SIPA1L1: variants seen among roughly 807,000 people sequenced by gnomAD.
The protein encoded by SIPA1L1 is signal-induced proliferation-associated 1-like protein 1.
A neutral mutation model predicts 162.7 loss-of-function variants in SIPA1L1; 26 were observed. The ratio of observed to expected loss-of-function variants is 0.16; its 90% CI spans 0.12 to 0.22. SIPA1L1 has a LOEUF of 0.22. Among genes scored for constraint, SIPA1L1 ranks in the 10% least tolerant of loss-of-function variants. SIPA1L1 has a pLI of 1.00. For synonymous variants in SIPA1L1, 829 were observed against 837.4 expected (o/e 0.99, Z 0.17); for missense variants, 1,874 against 2,241.0 (o/e 0.84, Z 3.31).
chr14:71,672,774 G>A, intron 12 of SIPA1L1, 152 bp downstream of exon 12: 1 of 867,762 alleles, frequency 1.2e-6, no homozygotes, highest in East Asian at 2.7e-5. Flanking sequence ...GTCTGACTCA[G>A]GACGAAGCTC....
chr14:71,344,301 T>A (rs1207687778), intron 2 of SIPA1L1, among the ~76,000 whole-genome samples: 1 of 152,226 alleles, frequency 6.6e-6, no homozygotes, highest in African/African-American at 2.4e-5. Context: ...TTCCTCAACC[T>A]CTTTCTTAAT....
At chr14:71,675,191 T>G (rs957540783) in intron 12 of SIPA1L1, among the ~76,000 whole-genome samples, 3 of 151,726 alleles carry the variant, frequency 2.0e-5, no homozygotes, top group African/African-American at 7.3e-5. Context: ...CACCAGGGAG[T>G]GAATGAGCTG....
chr14:71,707,395 A>G (rs956348521), intron 16 of SIPA1L1, among the ~76,000 whole-genome samples: 1 of 152,190 alleles, frequency 6.6e-6, no homozygotes, highest in African/African-American at 2.4e-5. Context: ...AGTGAGTTGT[A>G]GCAGCATTTT....
intron 4 of SIPA1L1, among the ~76,000 whole-genome samples, chr14:71,548,676 C>T (rs983946291): frequency 1.3e-5 from 2 of 151,996 alleles, no homozygotes; most frequent in African/African-American, 2.4e-5. Context: ...GTGATCGGAT[C>T]GCTTGAGGCC....
chr14:71,515,476 G>A (rs1401820127), intron 3 of SIPA1L1, among the ~76,000 whole-genome samples: 1 of 152,114 alleles, frequency 6.6e-6, no homozygotes, highest in African/African-American at 2.4e-5. Context: ...CTATGGAATT[G>A]CTCATTTTGA....
At chr14:71,485,325 T>C (rs1332645079) in intron 2 of SIPA1L1, among the ~76,000 whole-genome samples, 1 of 152,208 alleles carries the variant, frequency 6.6e-6, no homozygotes, top group Non-Finnish European at 1.5e-5. Flanking sequence ...TGTGGCCTCT[T>C]GGGAACTGGG....
At chr14:71,608,893 AAAAAC>A (rs1261677266) in intron 5 of SIPA1L1, among the ~76,000 whole-genome samples, 1 of 152,212 alleles carries the variant, frequency 6.6e-6, no homozygotes, top group Non-Finnish European at 1.5e-5. Flanking sequence ...CTCTGTCTCA[AAAAAC>A]AAAACAAAAC....
chr14:71,494,403 T>C (rs542049024), intron 2 of SIPA1L1, among the ~76,000 whole-genome samples: 14 of 152,248 alleles, frequency 9.2e-5, no homozygotes, highest in African/African-American at 3.1e-4. Context: ...TTTATTAATA[T>C]GTTGTATTAA....
chr14:71,683,210 G>T (rs561438055), intron 12 of SIPA1L1, among the ~76,000 whole-genome samples: 8 of 152,308 alleles, frequency 5.3e-5, no homozygotes, highest in African/African-American at 1.9e-4. Context: ...CTAGGGAATT[G>T]GAGGTGGAAG....
intron 22 of SIPA1L1, among the ~76,000 whole-genome samples, chr14:71,737,178 G>T (rs1042292149): frequency 6.6e-6 from 1 of 152,196 alleles, no homozygotes; most frequent in Non-Finnish European, 1.5e-5. Context: ...ACCACGGTGG[G>T]TTTTGCCTCC....
intron 12 of SIPA1L1, among the ~76,000 whole-genome samples, chr14:71,674,566 T>G (rs1044462471): frequency 1.6e-3 from 233 of 149,936 alleles, no homozygotes; most frequent in African/African-American, 5.4e-3. Flanking sequence ...TTTTGTTTTT[T>G]TTTGTTTTTT....
intron 4 of SIPA1L1, among the ~76,000 whole-genome samples, chr14:71,566,957 C>G (rs918448079): frequency 1.7e-4 from 26 of 152,114 alleles, no homozygotes; most frequent in African/African-American, 6.0e-4. Flanking sequence ...TAAAGGAATT[C>G]TACCTTATCA....
chr14:71,379,113 C>T (rs1432010543), intron 2 of SIPA1L1, among the ~76,000 whole-genome samples: 1 of 152,106 alleles, frequency 6.6e-6, no homozygotes, highest in Non-Finnish European at 1.5e-5. Context: ...TCGTTTTCAG[C>T]TTTCTCCAGT....
chr14:71,542,510 T>TTCCTCTTCCTCCTCC (rs1248810503), intron 4 of SIPA1L1, among the ~76,000 whole-genome samples: 13 of 145,220 alleles, frequency 9.0e-5, no homozygotes, highest in Admixed American at 5.5e-4. Flanking sequence ...CTCGTCGTCC[T>TTCCTCTTCCTCCTCC]TCCTCTTCCT....
chr14:71,439,287 C>T (rs1317728104), intron 2 of SIPA1L1, among the ~76,000 whole-genome samples: 1 of 152,180 alleles, frequency 6.6e-6, no homozygotes, highest in Non-Finnish European at 1.5e-5. Context: ...ATTCTCTCTT[C>T]TTCACTACCG....
chr14:71,696,884 A>G (rs1347370033), intron 13 of SIPA1L1, among the ~76,000 whole-genome samples: 1 of 152,244 alleles, frequency 6.6e-6, no homozygotes, highest in South Asian at 2.1e-4. Flanking sequence ...AGGCCTTTTT[A>G]TGTGAGTAGC....
rs976638739 is a variant in SIPA1L1, at chr14:71,573,209, T to C, written c.-302-14362T>C. Among the ~76,000 whole-genome samples the C allele has an allele frequency of 1.8e-4, 27 of 152,212 alleles. 1 individual carries two copies. Among genetic ancestry groups the C allele is most frequent in the Admixed American group, 1.6e-3 (25 of 15,272 alleles). ...CCTTTAACTACTATGTATATTACTT[T>C]GATAAAAACATAAACGAATTAAAAA... On this transcript the variant is annotated intron_variant, in intron 4 of 23. Coordinates refer to ENST00000381232, the MANE Select transcript of SIPA1L1 (RefSeq NM_001386936.1).
At chr14:71,507,725 A>T (rs547638131) in intron 2 of SIPA1L1, among the ~76,000 whole-genome samples, 14 of 152,152 alleles carry the variant, frequency 9.2e-5, no homozygotes, top group East Asian at 5.8e-4. Flanking sequence ...CATTATTGCC[A>T]TTTCCTTTTA....
chr14:71,466,597 CAG>C (rs922799269), intron 2 of SIPA1L1, among the ~76,000 whole-genome samples: 7 of 137,386 alleles, frequency 5.1e-5, no homozygotes, highest in African/African-American at 1.6e-4. Context: ...AAAAAAAAAA[CAG>C]TAATAAAATT....
Sources: gnomAD v4.1 joint callset for allele counts (sites outside exome capture counted in the v4.1 genomes callset) on GRCh38, gnomAD v4.1.1 for gene constraint, MANE v1.5 for transcripts, NCBI Gene and HGNC (gene_info 2026-07-23, HGNC 2026-07-21) for gene names.